MITF: variants seen among roughly 807,000 people sequenced by gnomAD.
MITF encodes microphthalmia-associated transcription factor.
A neutral mutation model predicts 60.5 loss-of-function variants in MITF; 17 were observed. The ratio of observed to expected loss-of-function variants is 0.28; its 90% CI spans 0.19 to 0.42. MITF has a LOEUF of 0.42. MITF is among the 10% of genes least tolerant of loss of function. MITF has a pLI of 1.00. For missense variants in MITF, 622 were observed against 683.5 expected, an observed-to-expected ratio of 0.91 and a Z score of 1.00; for synonymous variants, 260 against 248.5, an observed-to-expected ratio of 1.05 and a Z score of -0.43.
intron 2 of MITF, among the ~76,000 whole-genome samples, chr3:69,882,959 C>G (rs984531083): frequency 2.0e-5 from 3 of 152,130 alleles, no homozygotes; most frequent in Non-Finnish European, 2.9e-5. Context: ...GTTCAGAAAT[C>G]TGAAGGGAGT....
At chr3:69,801,695 A>T (rs2062922131) in intron 1 of MITF, among the ~76,000 whole-genome samples, 1 of 152,220 alleles carries the variant, frequency 6.6e-6, no homozygotes, top group South Asian at 2.1e-4. Context: ...TGATTATTCT[A>T]AGAAAAGAAA....
chr3:69,962,128 A>G (rs2066565185), intron 9 of MITF, among the ~76,000 whole-genome samples: 2 of 152,220 alleles, frequency 1.3e-5, no homozygotes, highest in African/African-American at 4.8e-5. Flanking sequence ...CTCTTAATCC[A>G]ACTTTATTAT....
At chr3:69,828,951 T>A (rs1319122762) in intron 1 of MITF, among the ~76,000 whole-genome samples, 56 of 75,450 alleles carry the variant, frequency 7.4e-4, no homozygotes, top group Non-Finnish European at 1.3e-3. Flanking sequence ...TGTGAGTGTG[T>A]GTGTGTGTGT....
intron 2 of MITF, among the ~76,000 whole-genome samples, chr3:69,882,565 CA>C (rs200888643): frequency 1.3e-5 from 2 of 150,052 alleles, no homozygotes; most frequent in African/African-American, 2.4e-5. Flanking sequence ...TTAACAACAA[CA>C]AAAAAAAAGT....
intron 2 of MITF, among the ~76,000 whole-genome samples, chr3:69,927,967 A>G (rs2065632072): frequency 6.6e-6 from 1 of 152,248 alleles, no homozygotes; most frequent in Non-Finnish European, 1.5e-5. Flanking sequence ...TTATCTATAA[A>G]AAACAGAGTG....
intron 1 of MITF, among the ~76,000 whole-genome samples, chr3:69,844,753 A>T (rs976391967): frequency 6.7e-6 from 1 of 149,564 alleles, no homozygotes; most frequent in Non-Finnish European, 1.5e-5. Context: ...CAGAATCTAC[A>T]AGGAACTTAA....
chr3:69,908,051 T>C (rs2065139678), intron 2 of MITF, among the ~76,000 whole-genome samples: 1 of 152,210 alleles, frequency 6.6e-6, no homozygotes, highest in Non-Finnish European at 1.5e-5. Context: ...GTTTTATTTT[T>C]CCCTAAAACT....
chr3:69,758,457 C>G (rs535693304), intron 1 of MITF, among the ~76,000 whole-genome samples: 1 of 152,272 alleles, frequency 6.6e-6, no homozygotes, highest in Admixed American at 6.5e-5. Flanking sequence ...AGATGTGAGC[C>G]TCTGTGCCCA....
At chr3:69,946,091 G>A (rs897709308) in intron 5 of MITF, among the ~76,000 whole-genome samples, 6 of 152,140 alleles carry the variant, frequency 3.9e-5, no homozygotes, top group African/African-American at 7.2e-5. Flanking sequence ...GTTAATCATA[G>A]CAGTTACCAC....
intron 1 of MITF, among the ~76,000 whole-genome samples, chr3:69,830,780 T>C (rs915258176): frequency 1.1e-4 from 17 of 152,196 alleles, no homozygotes; most frequent in African/African-American, 3.9e-4. Flanking sequence ...GAGCTTAAAT[T>C]TGGCTGGTTG....
intron 1 of MITF, among the ~76,000 whole-genome samples, chr3:69,859,222 C>T (rs2063970111): frequency 6.6e-6 from 1 of 152,120 alleles, no homozygotes; most frequent in Non-Finnish European, 1.5e-5. Context: ...AAGTTTGCTT[C>T]CCACAGGTTG....
intron 2 of MITF, among the ~76,000 whole-genome samples, chr3:69,899,018 G>A (rs1250041962): frequency 6.6e-6 from 1 of 152,172 alleles, no homozygotes; most frequent in Non-Finnish European, 1.5e-5. Context: ...CCAAAAAGAT[G>A]TATGAACACT....
chr3:69,852,141 G>T (rs1466996616), intron 1 of MITF, among the ~76,000 whole-genome samples: 1 of 152,144 alleles, frequency 6.6e-6, no homozygotes, highest in Non-Finnish European at 1.5e-5. Context: ...AAGAAGGTTT[G>T]TCAAGGAATA....
intron 2 of MITF, among the ~76,000 whole-genome samples, chr3:69,903,682 A>G (rs193283272): frequency 8.5e-5 from 13 of 152,286 alleles, no homozygotes; most frequent in African/African-American, 2.4e-4. Flanking sequence ...TAAATTGCCA[A>G]CCAATTCAGA....
chr3:69,891,657 GA>G (rs1449026237), intron 2 of MITF, among the ~76,000 whole-genome samples: 1 of 152,200 alleles, frequency 6.6e-6, no homozygotes. Context: ...AGAAAATGCA[GA>G]GGCAAATAAA....
intron 6 of MITF, 51 bp downstream of exon 6, chr3:69,949,219 G>GTCCATTTTCTGTCCA: frequency 7.2e-7 from 1 of 1,389,864 alleles, no homozygotes; most frequent in South Asian, 1.2e-5. Flanking sequence ...TCCATTTCCT[G>GTCCATTTTCTGTCCA]ATAAGACAAA....
chr3:69,853,627 T>G (rs2063864050), intron 1 of MITF, among the ~76,000 whole-genome samples: 1 of 152,122 alleles, frequency 6.6e-6, no homozygotes, highest in South Asian at 2.1e-4. Flanking sequence ...ACCATCATCC[T>G]TTTTGTTCTA....
Position 69,897,091 on chromosome 3 carries a change from A to G in MITF, c.354+17708A>G, listed in dbSNP as rs78242812. Among the ~76,000 whole-genome samples the G allele has an allele frequency of 7.6e-3, 1,162 of 152,308 alleles. 9 individuals carry two copies. Among genetic ancestry groups the G allele is most frequent in the African/African-American group, 0.026 (1,089 of 41,570 alleles). ...TAGGAGGGTATTGGGAACTGAAGCT[A>G]GATGGATGAGCAGGGGCCAGGAGCT... On this transcript the variant is annotated intron_variant, in intron 2 of 9. Transcript: ENST00000352241.
rs1250062684 is a variant in MITF, at chr3:69,968,104, AGTT to A, written c.*2858_*2860del. ...ATTTTTGAAAAATGCACTGGGAAAA[AGTT>A]GATGTCAATAACAGTATAAAACAGC... On this transcript the variant is annotated 3_prime_UTR_variant, in exon 10 of 10. Transcript: ENST00000352241. 4.3e-6 allele frequency: 1 copy of A among 233,328 alleles called. No individual in the cohort carries two copies. The highest frequency in any genetic ancestry group is 2.2e-5 in the African/African-American group (1 of 45,356). The allele number at this position is 233,328 out of a possible 1,614,324, so 14.5% of individuals were successfully genotyped here. A position where few individuals can be genotyped will look rare whatever the true frequency, so the allele number is the denominator to read the frequency against.
Sources: gnomAD v4.1 joint callset for allele counts (sites outside exome capture counted in the v4.1 genomes callset) on GRCh38, gnomAD v4.1.1 for gene constraint, MANE v1.5 for transcripts, NCBI Gene and HGNC (gene_info 2026-07-23, HGNC 2026-07-21) for gene names.